The following SLC46A3 variants were observed in gnomAD, a reference collection of about 807,000 sequenced individuals.
SLC46A3 encodes the protein solute carrier family 46 member 3, also known as lysosomal proton-coupled steroid conjugate and bile acid symporter SLC46A3.
SLC46A3 carries 26 observed loss-of-function variants against 38.5 expected under a neutral mutation model. That is an observed-to-expected ratio of 0.68 (90% confidence interval 0.49 to 0.94). The LOEUF (loss-of-function observed/expected upper bound fraction) is 0.94. SLC46A3 is among the 40% of genes least tolerant of loss of function. The pLI is 0.00. For missense variants in SLC46A3, 510 were observed against 544.3 expected (o/e 0.94, Z 0.63); for synonymous variants, 185 against 192.5 (o/e 0.96, Z 0.32).
chr13:28,711,030 C>G lies in SLC46A3; in HGVS notation c.1061-187G>C, dbSNP rs114636720. On this transcript the variant is annotated intron_variant, in intron 3 of 5. Transcript: ENST00000266943. ...GAATTAAAGTAGACTATGGACAGGT[C>G]AGTTTAAGGTTACTTTACTCTAGAA... Among the ~76,000 whole-genome samples, 1,229 of 152,274 alleles carry G rather than the reference C, an allele frequency of 8.1e-3. 16 individuals carry two copies. Among genetic ancestry groups the G allele is most frequent in the African/African-American group, 0.028 (1,177 of 41,552 alleles).
Position 28,701,217 on chromosome 13 carries a change from A to C in SLC46A3, c.*280T>G. Reference sequence around the variant, plus strand: ...TTTCTTGATCCCTCCTTACACCCTTAAGTTTTAATGTTTCTCTTCTAAGTC... The same window carrying C: ...TTTCTTGATCCCTCCTTACACCCTTCAGTTTTAATGTTTCTCTTCTAAGTC... On this transcript the variant is annotated 3_prime_UTR_variant, in exon 6 of 6. Coordinates refer to ENST00000266943, the MANE Select transcript of SLC46A3 (RefSeq NM_181785.4). The C allele has an allele frequency of 1.4e-6, 2 of 1,391,800 alleles. No individual in the cohort carries two copies. Among genetic ancestry groups the C allele is most frequent in the Non-Finnish European group, 1.9e-6 (2 of 1,075,416 alleles). 86.2% of individuals were successfully genotyped at this position (1,391,800 alleles called of 1,614,324 possible). A position where few individuals can be genotyped will look rare whatever the true frequency, so the allele number is the denominator to read the frequency against.
rs962377990 is a variant in SLC46A3, at chr13:28,700,732, C to A, written c.*765G>T. 4 of 446,268 alleles carry A rather than the reference C, an allele frequency of 9.0e-6. No homozygotes were observed. The highest frequency in any genetic ancestry group is 8.0e-5 in the African/African-American group (4 of 50,064). 27.6% of individuals were successfully genotyped at this position (446,268 alleles called of 1,614,324 possible). The stretch of plus-strand genomic sequence containing the variant: ...ATTCAGTTTTTTAACTTCTTTAGAG[C>A]AATTTTATTTATCATCTATTTTTTC... On this transcript the variant is annotated 3_prime_UTR_variant, in exon 6 of 6. Transcript: ENST00000266943.
In SLC46A3 at chr13:28,705,056, T is replaced by A. The variant is rs534601736; in HGVS notation, c.1145-957A>T. The stretch of plus-strand genomic sequence containing the variant: ...CCAAAAGACAGGCTGGCCATCTTCA[T>A]GTGCTTTTCTTCCTCTTTGTCAAAT... On this transcript the variant is annotated intron_variant, in intron 4 of 5. Coordinates refer to ENST00000266943, the MANE Select transcript of SLC46A3 (RefSeq NM_181785.4). Among the ~76,000 whole-genome samples the A allele has an allele frequency of 1.8e-4, 27 of 152,386 alleles. 1 individual carries two copies. In the East Asian group the frequency reaches 4.8e-3, roughly 27 times the overall value.
In SLC46A3 at chr13:28,710,648, A is replaced by G; in HGVS notation, c.1144+112T>C. ...AGCTTACCACTTTATTCAAAAGGAG[A>G]TCCGTGCATAAAAAGGGCTGTAGAA... On this transcript the variant is annotated intron_variant, in intron 4 of 5. Coordinates refer to ENST00000266943, the MANE Select transcript of SLC46A3 (RefSeq NM_181785.4). The G allele has an allele frequency of 6.1e-6, 5 of 817,846 alleles. No individual in the cohort carries two copies. In the East Asian group the frequency reaches 9.7e-5, roughly 16 times the overall value. 50.7% of individuals were successfully genotyped at this position (817,846 alleles called of 1,614,324 possible).
chr13:28,708,234 CT>C (rs1885233176), intron 4 of SLC46A3, among the ~76,000 whole-genome samples: 17 of 152,216 alleles, frequency 1.1e-4, no homozygotes, highest in Admixed American at 1.1e-3. Flanking sequence ...TTCTGAGGAA[CT>C]GCCAAACTGC....
At position 28,712,958 on chromosome 13, in the gene SLC46A3, CAG is replaced by C. The variant is rs764198426; in HGVS notation, c.780_781del (p.Cys261PhefsTer24). On this transcript the variant is annotated frameshift_variant, in exon 3 of 6. Transcript: ENST00000266943. LOFTEE classifies it high-confidence loss of function. ...AGTGATTACTGTAAAAAGTAACAAA[CAG>C]AGCAAAAATCGTCTCTTACCAGAAG... is the stretch of plus-strand genomic sequence containing the variant. The C allele has an allele frequency of 1.4e-5, 22 of 1,611,828 alleles. No individual in the cohort carries two copies. The South Asian group carries it at 2.0e-4, about 15-fold the overall frequency.
At chr13:28,709,185 G>C (rs1386719849) in intron 4 of SLC46A3, among the ~76,000 whole-genome samples, 1 of 151,978 alleles carries the variant, frequency 6.6e-6, no homozygotes, top group Non-Finnish European at 1.5e-5. Flanking sequence ...AGCCAGGCAT[G>C]GTGGCAGGAG....
At position 28,705,463 on chromosome 13, in the gene SLC46A3, C is replaced by T. The variant is rs1239936321; in HGVS notation, c.1145-1364G>A. Among the ~76,000 whole-genome samples the T allele has an allele frequency of 2.0e-5, 3 of 152,118 alleles. 1 individual carries two copies. The highest frequency in any genetic ancestry group is 4.4e-5 in the Non-Finnish European group (3 of 68,010). On this transcript the variant is annotated intron_variant, in intron 4 of 5. Transcript: ENST00000266943. ...TTATTGTACATATTCTCATATATTG[C>T]TTCAAATTATTCATTGAATGATAGG... is the stretch of plus-strand genomic sequence containing the variant.
chr13:28,707,895 G>T (rs139628000), intron 4 of SLC46A3, among the ~76,000 whole-genome samples: 152 of 152,214 alleles, frequency 1.0e-3, no homozygotes, highest in African/African-American at 3.6e-3. Flanking sequence ...TGCCTATTCT[G>T]CACATTTCAC....
intron 4 of SLC46A3, 95 bp downstream of exon 4, chr13:28,710,665 G>T: frequency 1.1e-6 from 1 of 934,428 alleles, no homozygotes; most frequent in Non-Finnish European, 1.7e-6. Flanking sequence ...CATAAAAAGG[G>T]CTGTAGAATA....
rs1349003980 is a variant in SLC46A3, at chr13:28,701,132, T to C, written c.*365A>G. 1.4e-6 allele frequency: 2 copies of C among 1,439,652 alleles called. No homozygotes were observed. Among genetic ancestry groups the C allele is most frequent in the African/African-American group, 2.9e-5 (2 of 69,576 alleles). The allele number at this position is 1,439,652 out of a possible 1,614,324, so 89.2% of individuals were successfully genotyped here. ...AGAAACTGAGGTAAAGATTTCTCTT[T>C]GGTCTCAGTGTAAGAGCCTGGAATA... is the stretch of plus-strand genomic sequence containing the variant. On this transcript the variant is annotated 3_prime_UTR_variant, in exon 6 of 6. Transcript: ENST00000266943.
chr13:28,703,450 C>T (rs1885085926), intron 5 of SLC46A3, among the ~76,000 whole-genome samples: 1 of 152,152 alleles, frequency 6.6e-6, no homozygotes, highest in African/African-American at 2.4e-5. Context: ...TTATAATGAA[C>T]ACAATCCTTC....
At position 28,717,485 on chromosome 13, in the gene SLC46A3, C is replaced by A. The variant is rs1300236; in HGVS notation, c.189+325G>T. Among the ~76,000 whole-genome samples the A allele has an allele frequency of 4.1e-3, 518 of 126,072 alleles. 36 individuals are homozygous for A. Among genetic ancestry groups the A allele is most frequent in the Middle Eastern group, 0.017 (4 of 236 alleles). 82.7% of individuals were successfully genotyped at this position (126,072 alleles called of 152,430 possible). The stretch of plus-strand genomic sequence containing the variant: ...AGCCTGCCCTGCCCCAATTTTCAGA[C>A]TTTTTTTTTTTTTTTTTTTTTTTTT... On this transcript the variant is annotated intron_variant, in intron 2 of 5. Coordinates refer to ENST00000266943, the MANE Select transcript of SLC46A3 (RefSeq NM_181785.4).
At chr13:28,703,734 C>T (rs982320068) in intron 5 of SLC46A3, 1 of 361,094 alleles carries the variant, frequency 2.8e-6, no homozygotes, top group African/African-American at 2.1e-5. Flanking sequence ...ATTTTCCTGT[C>T]ATCCTTGCAC....
intron 4 of SLC46A3, among the ~76,000 whole-genome samples, chr13:28,706,548 A>G (rs552333259): frequency 6.6e-6 from 1 of 152,188 alleles, no homozygotes; most frequent in African/African-American, 2.4e-5. Context: ...ATATTACTAT[A>G]TTTAACAGTA....
intron 4 of SLC46A3, among the ~76,000 whole-genome samples, chr13:28,704,753 T>G (rs1314095223): frequency 6.6e-6 from 1 of 152,250 alleles, no homozygotes; most frequent in East Asian, 1.9e-4. Flanking sequence ...TGAAGGTTTA[T>G]GCCACAGTTT....
At chr13:28,702,349 C>T (rs1885047024) in intron 5 of SLC46A3, among the ~76,000 whole-genome samples, 1 of 152,072 alleles carries the variant, frequency 6.6e-6, no homozygotes, top group Non-Finnish European at 1.5e-5. Flanking sequence ...AAACATTCTC[C>T]CACTGTTGGA....
rs3764098 is a variant in SLC46A3, at chr13:28,718,735, A to G, written c.-264T>C. 99,668 of 152,270 alleles carry G rather than the reference A, an allele frequency of 0.65. 34,042 individuals are homozygous for G. Among genetic ancestry groups the G allele is most frequent in the East Asian group, 0.91 (4,675 of 5,158 alleles). 9.4% of individuals were successfully genotyped at this position (152,270 alleles called of 1,614,324 possible). A position where few individuals can be genotyped will look rare whatever the true frequency, so the allele number is the denominator to read the frequency against. On this transcript the variant is annotated 5_prime_UTR_variant, in exon 1 of 6. Coordinates refer to ENST00000266943, the MANE Select transcript of SLC46A3 (RefSeq NM_181785.4). ...TCGGGGAGTCTCAAGCGTATTGTAA[A>G]GCAAACCTCGGCAAGCGCACTTCCG... is the stretch of plus-strand genomic sequence containing the variant.
In SLC46A3 at chr13:28,712,880, T is replaced by A. The variant is rs778104040; in HGVS notation, c.860A>T (p.Asp287Val). The part of the protein sequence containing the change: ...IAPIFILYEL[D>V]SPLCWNEVFI... ...AACTTCATTCCAGCAGAGTGGTGAATCCAATTCATAAAGGATAAAAATTGG... is the reference window on the plus strand; with the variant it reads ...AACTTCATTCCAGCAGAGTGGTGAAACCAATTCATAAAGGATAAAAATTGG... The change falls in exon 3 of 6, where the codon GAT becomes GTT. Residue 287 changes from aspartate (D) to valine (V), a missense_variant. Asp to Val is a radical substitution (Grantham distance 152). Coordinates refer to ENST00000266943, the MANE Select transcript of SLC46A3 (RefSeq NM_181785.4). The A allele has an allele frequency of 6.2e-7, 1 of 1,610,978 alleles. No individual in the cohort carries two copies. Among genetic ancestry groups the A allele is most frequent in the Non-Finnish European group, 8.5e-7 (1 of 1,179,316 alleles).
Sources: gnomAD v4.1 joint callset for allele counts (sites outside exome capture counted in the v4.1 genomes callset) on GRCh38, gnomAD v4.1.1 for gene constraint, MANE v1.5 for transcripts, NCBI Gene and HGNC (gene_info 2026-07-23, HGNC 2026-07-21) for gene names.